HP1BP3: variants seen among roughly 807,000 people sequenced by gnomAD.
The protein encoded by HP1BP3 is heterochromatin protein 1 binding protein 3.
A neutral mutation model predicts 62.5 loss-of-function variants in HP1BP3; 12 were observed. The ratio of observed to expected loss-of-function variants is 0.19; its 90% confidence interval spans 0.12 to 0.31. The LOEUF is 0.31. HP1BP3 is among the 10% of genes least tolerant of loss of function. The pLI is 1.00. For missense variants in HP1BP3, 502 were observed against 651.8 expected (o/e 0.77, Z 2.50); for synonymous variants, 260 against 237.8 (o/e 1.09, Z -0.86).
At chr1:20,762,345 G>GA (rs766912112) in intron 8 of HP1BP3, among the ~76,000 whole-genome samples, 1 of 152,028 alleles carries the variant, frequency 6.6e-6, no homozygotes, top group Non-Finnish European at 1.5e-5. Flanking sequence ...TGTTTCAAAA[G>GA]AAGTGCAGCA....
intron 7 of HP1BP3, among the ~76,000 whole-genome samples, chr1:20,766,049 T>TG (rs567528253): frequency 4.6e-5 from 7 of 151,688 alleles, no homozygotes; most frequent in Non-Finnish European, 1.0e-4. Flanking sequence ...CCCAGCACTT[T>TG]GGGGGGCTGA....
intron 4 of HP1BP3, 144 bp downstream of exon 4, chr1:20,776,453 C>G (rs1270349802): frequency 2.8e-6 from 2 of 710,952 alleles, no homozygotes; most frequent in Non-Finnish European, 4.6e-6. Flanking sequence ...TATAATAAAC[C>G]TATTTCAAAT....
At chr1:20,785,402 C>T (rs2057775849) in intron 1 of HP1BP3, among the ~76,000 whole-genome samples, 1 of 152,172 alleles carries the variant, frequency 6.6e-6, no homozygotes, top group African/African-American at 2.4e-5. Context: ...TCACATTTTA[C>T]CATAAAATAT....
chr1:20,758,882 G>C (rs749910883), intron 8 of HP1BP3, among the ~76,000 whole-genome samples: 3 of 149,212 alleles, frequency 2.0e-5, no homozygotes, highest in African/African-American at 7.4e-5. Context: ...CGAACTTGTA[G>C]GTTCAAGCGA....
chr1:20,784,940 T>C (rs1433079464), intron 1 of HP1BP3, among the ~76,000 whole-genome samples: 1 of 152,076 alleles, frequency 6.6e-6, no homozygotes, highest in South Asian at 2.1e-4. Flanking sequence ...ATTAAATCGG[T>C]TGTTTATTTT....
chr1:20,749,013 G>C (rs1004677653), intron 10 of HP1BP3, among the ~76,000 whole-genome samples: 2 of 152,058 alleles, frequency 1.3e-5, no homozygotes, highest in African/African-American at 4.8e-5. Flanking sequence ...GTGGGGCTTA[G>C]GTTAATAAGA....
At chr1:20,773,813 T>C (rs1232606870) in intron 4 of HP1BP3, 4 of 402,796 alleles carry the variant, frequency 9.9e-6, no homozygotes, top group African/African-American at 6.2e-5. Context: ...AAGGTATTTT[T>C]CTCTTAGCTG....
chr1:20,749,693 C>T (rs138845998), intron 10 of HP1BP3, 30 bp downstream of exon 10: 1 of 1,583,842 alleles, frequency 6.3e-7, no homozygotes, highest in Non-Finnish European at 8.6e-7. Flanking sequence ...TTCTCCTAAT[C>T]CCAGTTAAAT....
intron 3 of HP1BP3, among the ~76,000 whole-genome samples, chr1:20,777,995 C>T (rs183308178): frequency 6.6e-6 from 1 of 152,294 alleles, no homozygotes; most frequent in Non-Finnish European, 1.5e-5. Flanking sequence ...TATTTTTCAT[C>T]ATGATATATC....
In HP1BP3 at chr1:20,747,600, C is replaced by G. The variant is rs746795894; in HGVS notation, c.1197G>C (p.Gln399His). The G allele has an allele frequency of 1.2e-6, 2 of 1,613,672 alleles. No homozygotes were observed. The highest frequency in any genetic ancestry group is 8.5e-7 in the Non-Finnish European group (1 of 1,179,852). ...TGCCACTGAACCCTTTCCCAGAGAT[C>G]TGTTCCATCCACCCATTCTTTTCGC... ...QKCEKNGWMEQISGKGFSGTF... is the reference protein window; with the variant it reads ...QKCEKNGWMEHISGKGFSGTF... Residue 399 changes from glutamine (Q) to histidine (H), a missense_variant, in exon 11 of 13, where the codon CAG becomes CAC. Gln to His is a conservative substitution (Grantham distance 24, BLOSUM62 0). Around this residue, in one of 5 missense-constraint regions of HP1BP3, gnomAD observed 194 missense variants for 207.0 expected, o/e 0.94. Transcript: ENST00000438032.
At position 20,779,393 on chromosome 1, in the gene HP1BP3, T is replaced by C. The variant is rs1570673730; in HGVS notation, c.196+419A>G. Among the ~76,000 whole-genome samples the C allele has an allele frequency of 2.0e-5, 3 of 152,272 alleles. No individual in the cohort carries two copies. In the Middle Eastern group the frequency reaches 0.01, roughly 518 times the overall value. On this transcript the variant is annotated intron_variant, in intron 3 of 12. Transcript: ENST00000438032. ...ATCTTCTCTCTACCAATACCTGTTA[T>C]AGATCAACAGATCACCATTTGCTTC...
intron 1 of HP1BP3, 100 bp downstream of exon 1, chr1:20,787,095 G>A (rs1187747013): frequency 1.3e-5 from 2 of 151,776 alleles, no homozygotes; most frequent in East Asian, 3.9e-4. Flanking sequence ...TCCTCTCTGG[G>A]AGCGGCGTCG....
chr1:20,765,988 A>G (rs924278038), intron 7 of HP1BP3, among the ~76,000 whole-genome samples: 5 of 148,872 alleles, frequency 3.4e-5, no homozygotes, highest in Non-Finnish European at 7.4e-5. Context: ...AACAAAAAAA[A>G]CACAACAAAA....
rs2055123429 is a variant in HP1BP3, at chr1:20,742,900, A to C, written c.*1897T>G. 6.6e-6 allele frequency: 1 copy of C among 152,636 alleles called. No homozygotes were observed. The highest frequency in any genetic ancestry group is 2.4e-5 in the African/African-American group (1 of 41,450). The allele number at this position is 152,636 out of a possible 1,614,324, so 9.5% of individuals were successfully genotyped here. A position where few individuals can be genotyped will look rare whatever the true frequency, so the allele number is the denominator to read the frequency against. On this transcript the variant is annotated 3_prime_UTR_variant, in exon 13 of 13. Coordinates refer to ENST00000438032, the MANE Select transcript of HP1BP3 (RefSeq NM_001372052.1). The stretch of plus-strand genomic sequence containing the variant: ...GATCCCAGGAGACAAAAGTGGAATG[A>C]ATAAGAAACAAACATCTTTTGCCTC...
Position 20,744,386 on chromosome 1 carries a change from C to G in HP1BP3, c.*411G>C, listed in dbSNP as rs986539137. 2 of 172,392 alleles carry G rather than the reference C, an allele frequency of 1.2e-5. No homozygotes were observed. Among genetic ancestry groups the G allele is most frequent in the African/African-American group, 4.8e-5 (2 of 41,524 alleles). 10.7% of individuals were successfully genotyped at this position (172,392 alleles called of 1,614,324 possible). ...CAACTCAGTCAGTGCTATATTGTGC[C>G]TCCATTTTACTTCCAGGACCTGACT... On this transcript the variant is annotated 3_prime_UTR_variant, in exon 13 of 13. Coordinates refer to ENST00000438032, the MANE Select transcript of HP1BP3 (RefSeq NM_001372052.1).
At position 20,742,113 on chromosome 1, in the gene HP1BP3, G is replaced by A. The variant is rs1165015992; in HGVS notation, c.*2684C>T. ...CTTCTCAGCCTGTGCTTAAGTGCCT[G>A]GTGTGCAATACAGCCACCAGGTGAT... On this transcript the variant is annotated 3_prime_UTR_variant, in exon 13 of 13. Coordinates refer to ENST00000438032, the MANE Select transcript of HP1BP3 (RefSeq NM_001372052.1). Among the ~76,000 whole-genome samples the A allele has an allele frequency of 6.6e-6, 1 of 152,178 alleles. No homozygotes were observed. The highest frequency in any genetic ancestry group is 1.5e-5 in the Non-Finnish European group (1 of 68,038).
chr1:20,765,461 C>T lies in HP1BP3; in HGVS notation c.806G>A (p.Arg269His), dbSNP rs1229685054. Residue 269 changes from arginine (R) to histidine (H), a missense_variant, in exon 8 of 13, where the codon CGC becomes CAC. Around this residue, in one of 5 missense-constraint regions of HP1BP3, gnomAD observed 111 missense variants for 242.0 expected, o/e 0.46. Coordinates refer to ENST00000438032, the MANE Select transcript of HP1BP3 (RefSeq NM_001372052.1). The part of the protein sequence containing the change: ...LEDVLPLAFT[R>H]LCEPKEASYS... ...GGAAGCTTCTTTAGGTTCACAAAGG[C>T]GAGTAAAGGCCAGTGGGAGGACATC... The T allele has an allele frequency of 4.3e-6, 7 of 1,613,128 alleles. No individual in the cohort carries two copies. The highest frequency in any genetic ancestry group is 1.3e-5 in the African/African-American group (1 of 74,868).
At chr1:20,749,382 T>G (rs182718346) in intron 10 of HP1BP3, among the ~76,000 whole-genome samples, 15 of 149,924 alleles carry the variant, frequency 1.0e-4, no homozygotes, top group African/African-American at 3.2e-4. Context: ...TTTTGATACA[T>G]AGTCTCGCAA....
chr1:20,775,284 T>C (rs1416947476), intron 4 of HP1BP3, among the ~76,000 whole-genome samples: 2 of 152,078 alleles, frequency 1.3e-5, no homozygotes, highest in African/African-American at 4.8e-5. Flanking sequence ...CCTGACCTTG[T>C]GCAGGCCTAG....
Sources: gnomAD v4.1 joint callset for allele counts (sites outside exome capture counted in the v4.1 genomes callset) on GRCh38, gnomAD v4.1.1 for gene constraint, gnomAD v4.1.1 regional missense constraint, MANE v1.5 for transcripts, NCBI Gene and HGNC (gene_info 2026-07-23, HGNC 2026-07-21) for gene names.